Variants in SS18 observed in about 807,000 individuals in gnomAD.
The protein encoded by SS18 is SS18 subunit of BAF chromatin remodeling complex.
In SS18, 28 loss-of-function variants were observed where a neutral mutation model predicts 72.5. That is an observed-to-expected ratio of 0.39 (90% CI 0.29 to 0.53). The LOEUF (loss-of-function observed/expected upper bound fraction) is 0.53. SS18 is among the 20% of genes least tolerant of loss of function. The pLI is 0.76. For synonymous variants in SS18, 172 were observed against 164.2 expected (o/e 1.05, Z -0.37); for missense variants, 518 against 535.3 (o/e 0.97, Z 0.32).
At chr18:26,057,886 T>C in intron 3 of SS18, 144 bp from the exon 4 acceptor site, 1 of 735,014 alleles carries the variant, frequency 1.4e-6, no homozygotes, top group Non-Finnish European at 2.1e-6. Context: ...ATTTTCATCA[T>C]GAACATAGTT....
At chr18:26,081,718 G>A (rs902531839) in intron 2 of SS18, among the ~76,000 whole-genome samples, 1 of 148,150 alleles carries the variant, frequency 6.7e-6, no homozygotes, top group Non-Finnish European at 1.5e-5. Flanking sequence ...ATATAGTTAC[G>A]TTTCTCACTG....
intron 5 of SS18, among the ~76,000 whole-genome samples, chr18:26,046,191 CAAA>C (rs760639087): frequency 0.027 from 1,190 of 43,744 alleles, 2 homozygotes; most frequent in African/African-American, 0.058. Flanking sequence ...GACTCCGTCT[CAAA>C]AAAAAAAAAA....
Position 26,063,540 on chromosome 18 carries a change from T to G in SS18, c.232-5798A>C, listed in dbSNP as rs145655528. 8.0e-3 allele frequency among the ~76,000 whole-genome samples: 1,209 copies of G among 151,838 alleles called. 8 individuals are homozygous for G. Among genetic ancestry groups the G allele is most frequent in the African/African-American group, 0.013 (530 of 41,404 alleles). On this transcript the variant is annotated intron_variant, in intron 3 of 10. Transcript: ENST00000415083. ...TCCAAAAAGAAAAAAATAATAATAA[T>G]AAGAAATCAGTAACAAAATTATTCA...
intron 4 of SS18, among the ~76,000 whole-genome samples, chr18:26,055,349 C>G (rs1302042921): frequency 6.6e-6 from 1 of 151,812 alleles, no homozygotes; most frequent in Non-Finnish European, 1.5e-5. Flanking sequence ...CGCCTGTAAT[C>G]CCAGCTACTC....
intron 1 of SS18, chr18:26,089,933 G>A (rs934587117): frequency 2.0e-5 from 3 of 152,770 alleles, no homozygotes; most frequent in Non-Finnish European, 4.4e-5. Flanking sequence ...CAACCCCAGA[G>A]TCCATGGGGA....
Position 26,038,408 on chromosome 18 carries a change from T to C in SS18, c.880+147A>G, listed in dbSNP as rs564915651. The C allele has an allele frequency of 8.0e-5, 53 of 658,614 alleles. No individual in the cohort carries two copies. In the African/African-American group the frequency reaches 9.2e-4, roughly 11 times the overall value. The allele number at this position is 658,614 out of a possible 1,614,324, so 40.8% of individuals were successfully genotyped here. A position where few individuals can be genotyped will look rare whatever the true frequency, so the allele number is the denominator to read the frequency against. On this transcript the variant is annotated intron_variant, in intron 7 of 10. Transcript: ENST00000415083. ...ATTAGATTATAAACTAATGCTATCA[T>C]TGGTACTTTAGAGTACTGAAGTGTT...
At chr18:26,023,524 C>CA in intron 10 of SS18, 1 of 439,130 alleles carries the variant, frequency 2.3e-6, no homozygotes, top group Non-Finnish European at 4.3e-6. Flanking sequence ...TACAAAAGAA[C>CA]AAAGATAAAT....
intron 10 of SS18, among the ~76,000 whole-genome samples, chr18:26,031,214 T>C (rs1397128831): frequency 2.0e-5 from 3 of 152,220 alleles, no homozygotes; most frequent in East Asian, 1.9e-4. Flanking sequence ...ACTGATCCTT[T>C]TGTTTTGTTT....
intron 3 of SS18, among the ~76,000 whole-genome samples, chr18:26,067,687 G>A (rs968184540): frequency 6.6e-6 from 1 of 152,162 alleles, no homozygotes; most frequent in Non-Finnish European, 1.5e-5. Context: ...AGCATTTAAT[G>A]GGCGTGGTAA....
At chr18:26,021,126 G>C (rs1457700600) in intron 10 of SS18, among the ~76,000 whole-genome samples, 2 of 152,100 alleles carry the variant, frequency 1.3e-5, no homozygotes, top group Non-Finnish European at 2.9e-5. Flanking sequence ...TGCCTAAAAA[G>C]GTAGGCTGTG....
intron 9 of SS18, among the ~76,000 whole-genome samples, chr18:26,034,186 A>G (rs188044793): frequency 2.4e-4 from 37 of 152,306 alleles, no homozygotes; most frequent in African/African-American, 7.9e-4. Context: ...TCACAGGTAG[A>G]CAAAGATGTC....
intron 10 of SS18, among the ~76,000 whole-genome samples, chr18:26,026,789 T>C (rs988675946): frequency 1.3e-5 from 2 of 152,196 alleles, no homozygotes; most frequent in African/African-American, 4.8e-5. Flanking sequence ...AGTTATAGTT[T>C]TGATAAAATA....
At position 26,016,488 on chromosome 18, in the gene SS18, C is replaced by T. The variant is rs1240724797; in HGVS notation, c.*1866G>A. ...CTGTAATCCCAGCACTTTGGAAGGC[C>T]GAGGCGGGTGGATCACCTGAGGTCA... On this transcript the variant is annotated 3_prime_UTR_variant, in exon 11 of 11. Coordinates refer to ENST00000415083, the MANE Select transcript of SS18 (RefSeq NM_001007559.3). 3 of 180,268 alleles carry T rather than the reference C, an allele frequency of 1.7e-5. No homozygotes were observed. The highest frequency in any genetic ancestry group is 9.2e-5 in the East Asian group (1 of 10,858). The allele number at this position is 180,268 out of a possible 1,614,324, so 11.2% of individuals were successfully genotyped here. A position where few individuals can be genotyped will look rare whatever the true frequency, so the allele number is the denominator to read the frequency against.
At chr18:26,039,596 TAA>T (rs2053689312) in intron 5 of SS18, 140 bp from the exon 6 acceptor site, 1 of 764,978 alleles carries the variant, frequency 1.3e-6, no homozygotes, top group African/African-American at 1.8e-5. Context: ...ATAATAAAAA[TAA>T]GTCTTTGAAT....
At position 26,017,580 on chromosome 18, in the gene SS18, C is replaced by A. The variant is rs1308040994; in HGVS notation, c.*774G>T. 9.9e-6 allele frequency: 2 copies of A among 202,510 alleles called. No individual in the cohort carries two copies. Among genetic ancestry groups the A allele is most frequent in the East Asian group, 7.7e-5 (1 of 12,952 alleles). 12.5% of individuals were successfully genotyped at this position (202,510 alleles called of 1,614,324 possible). A position where few individuals can be genotyped will look rare whatever the true frequency, so the allele number is the denominator to read the frequency against. On this transcript the variant is annotated 3_prime_UTR_variant, in exon 11 of 11. Transcript: ENST00000415083. ...TACCAAAGCCTCCTCAGATCCAACA[C>A]AAAGTAATTCTTATTGCCTCACATT...
chr18:26,055,103 G>C (rs568196166), intron 4 of SS18, among the ~76,000 whole-genome samples: 4 of 151,968 alleles, frequency 2.6e-5, no homozygotes, highest in South Asian at 2.1e-4. Context: ...GAGAGGTGGC[G>C]GCTAGGCATC....
At position 26,039,452 on chromosome 18, in the gene SS18, T is replaced by G. The variant is rs1307012477; in HGVS notation, c.612A>C (p.Pro204=). ...PNMSMQPNQG[P]MMHQQPPSQQ... ...GAGAAGGAGGCTGCTGATGCATCAT[T>G]GGACCTGAAACAAGACACAACATTA... The change falls in exon 6 of 11, where the codon CCA becomes CCC. Residue 204 remains proline, a synonymous_variant. Transcript: ENST00000415083. 1 of 1,612,930 alleles carries G rather than the reference T, an allele frequency of 6.2e-7. No individual in the cohort carries two copies. The highest frequency in any genetic ancestry group is 8.5e-7 in the Non-Finnish European group (1 of 1,179,312).
chr18:26,076,511 A>G (rs921085010), intron 3 of SS18, among the ~76,000 whole-genome samples: 2 of 151,968 alleles, frequency 1.3e-5, no homozygotes, highest in Non-Finnish European at 2.9e-5. Context: ...AATAAATTCT[A>G]CCTAGCTGGT....
Position 26,069,247 on chromosome 18 carries a change from C to T in SS18, c.231+8829G>A, listed in dbSNP as rs541892456. 2.0e-5 allele frequency among the ~76,000 whole-genome samples: 3 copies of T among 152,126 alleles called. No individual in the cohort carries two copies. The South Asian group carries it at 6.2e-4, about 32-fold the overall frequency. ...ATGTTGGACACCATGAACTGTTTTA[C>T]AGCATTCTAATAAAATATATAATAA... On this transcript the variant is annotated intron_variant, in intron 3 of 10. Coordinates refer to ENST00000415083, the MANE Select transcript of SS18 (RefSeq NM_001007559.3).
Sources: allele counts gnomAD v4.1 joint callset (sites outside exome capture counted in the v4.1 genomes callset), GRCh38; gene constraint gnomAD v4.1.1; transcripts MANE v1.5; gene names NCBI Gene and HGNC (gene_info 2026-07-23, HGNC 2026-07-21).